The following ZNF483 variants were observed in gnomAD, a reference collection of about 807,000 sequenced individuals.
ZNF483 encodes the protein zinc finger protein HIT-10.
In ZNF483, 9 loss-of-function variants were observed where a neutral mutation model predicts 28.6. That is an observed-to-expected ratio of 0.32 (90% CI 0.19 to 0.55). The LOEUF (loss-of-function observed/expected upper bound fraction) is 0.55. Ranked by LOEUF, ZNF483 falls within the 20% of genes least tolerant of loss-of-function variation. The probability of loss-of-function intolerance (pLI) is 0.93; values close to 1 mark genes in which losing one functional copy is unlikely to be tolerated. For synonymous variants in ZNF483, 322 were observed against 306.2 expected (o/e 1.05, Z -0.54); for missense variants, 675 against 871.7 (o/e 0.77, Z 2.84).
At chr9:111,575,610 T>C (rs1316253687) in intron 5 of ZNF483, among the ~76,000 whole-genome samples, 1 of 152,230 alleles carries the variant, frequency 6.6e-6, no homozygotes, top group African/African-American at 2.4e-5. Context: ...TTAGGATCAA[T>C]TGGTTTTCTA....
chr9:111,544,211 G>A lies in ZNF483; in HGVS notation c.*1041G>A. The A allele has an allele frequency of 1.0e-6, 1 of 985,386 alleles. No individual in the cohort carries two copies. Among genetic ancestry groups the A allele is most frequent in the Non-Finnish European group, 1.2e-6 (1 of 829,932 alleles). The allele number at this position is 985,386 out of a possible 1,614,324, so 61.0% of individuals were successfully genotyped here. ...ATGTGCTGAAGACAGAGCTATTCTG[G>A]ATGGATTTTGGTTTGCAAAAATTCT... On this transcript the variant is annotated 3_prime_UTR_variant, in exon 6 of 6. Coordinates refer to ENST00000309235, the MANE Select transcript of ZNF483 (RefSeq NM_133464.5).
Position 111,562,035 on chromosome 9 carries a change from G to A in ZNF483, c.722-14330G>A, listed in dbSNP as rs541267166. Among the ~76,000 whole-genome samples the A allele has an allele frequency of 1.2e-4, 18 of 152,054 alleles. No homozygotes were observed. The South Asian group carries it at 3.3e-3, about 28-fold the overall frequency. ...TGAGTAGCTGGGATTACAGGCACCC[G>A]CTACCATGCCCAGCTAATTTTTGTA... On this transcript the variant is annotated intron_variant, in intron 5 of 5. Transcript: ENST00000358151.
Position 111,543,943 on chromosome 9 carries a change from T to C in ZNF483, c.*773T>C. 1.0e-6 allele frequency: 1 copy of C among 985,330 alleles called. No individual in the cohort carries two copies. The highest frequency in any genetic ancestry group is 1.2e-6 in the Non-Finnish European group (1 of 829,932). 61.0% of individuals were successfully genotyped at this position (985,330 alleles called of 1,614,324 possible). ...TTCCTAGGATGCTGGACTTCTAGCT[T>C]AGTGAGAATGCAGTATACTTTTTGA... On this transcript the variant is annotated 3_prime_UTR_variant, in exon 6 of 6. Transcript: ENST00000309235.
chr9:111,576,484 G>C (rs953959128), exon 6 of ZNF483: 3 of 1,597,730 alleles, frequency 1.9e-6, no homozygotes, highest in Non-Finnish European at 1.7e-6. Flanking sequence ...CTGCAGTGCA[G>C]TTCAAGAGGC....
intron 2 of ZNF483, chr9:111,528,055 G>A (rs1589265263): frequency 3.5e-6 from 5 of 1,418,078 alleles, no homozygotes; most frequent in Non-Finnish European, 4.6e-6. Flanking sequence ...GGTGAGACAA[G>A]ATAGGATATA....
chr9:111,538,358 T>A (rs1827573251), intron 5 of ZNF483, among the ~76,000 whole-genome samples: 1 of 151,888 alleles, frequency 6.6e-6, no homozygotes, highest in South Asian at 2.1e-4. Flanking sequence ...CTACAAAAAA[T>A]TTAAACATCA....
chr9:111,563,852 C>A (rs530247512), intron 5 of ZNF483: 1 of 152,488 alleles, frequency 6.6e-6, no homozygotes, highest in Admixed American at 6.5e-5. Flanking sequence ...TTTAATAACA[C>A]AATGATCTCA....
chr9:111,539,449 G>A (rs1175804720), intron 5 of ZNF483: 4 of 455,890 alleles, frequency 8.8e-6, no homozygotes, highest in South Asian at 3.1e-5. Flanking sequence ...TTTTTAGGAA[G>A]TGTGATTTGA....
At position 111,553,500 on chromosome 9, in the gene ZNF483, C is replaced by A. The variant is rs1267739055; in HGVS notation, c.*10330C>A. Among the ~76,000 whole-genome samples, 1 of 152,068 alleles carries A rather than the reference C, an allele frequency of 6.6e-6. No individual in the cohort carries two copies. Among genetic ancestry groups the A allele is most frequent in the Non-Finnish European group, 1.5e-5 (1 of 68,012 alleles). On this transcript the variant is annotated 3_prime_UTR_variant, in exon 6 of 6. Coordinates refer to ENST00000309235, the MANE Select transcript of ZNF483 (RefSeq NM_133464.5). ...GGTATACTCTATCTTGTGCTATCTG[C>A]ATAAAATATCCAAGTAAACACATTG...
intron 5 of ZNF483, among the ~76,000 whole-genome samples, chr9:111,568,475 A>C (rs1306442111): frequency 1.3e-5 from 2 of 152,196 alleles, no homozygotes; most frequent in Non-Finnish European, 2.9e-5. Context: ...GATGTTTATC[A>C]AGACAATATG....
Position 111,549,848 on chromosome 9 carries a change from T to C in ZNF483, c.*6678T>C. The C allele has an allele frequency of 1.6e-6, 2 of 1,232,308 alleles. No homozygotes were observed. Among genetic ancestry groups the C allele is most frequent in the Non-Finnish European group, 1.2e-6 (1 of 863,316 alleles). 76.3% of individuals were successfully genotyped at this position (1,232,308 alleles called of 1,614,324 possible). A position where few individuals can be genotyped will look rare whatever the true frequency, so the allele number is the denominator to read the frequency against. On this transcript the variant is annotated 3_prime_UTR_variant, in exon 6 of 6. Coordinates refer to ENST00000309235, the MANE Select transcript of ZNF483 (RefSeq NM_133464.5). ...AGCTCTTTGAGCATCTTTAAGGCAGTTGCTTTAAAGTCTGTCTAGTGAGTC... is the reference window on the plus strand; with the variant it reads ...AGCTCTTTGAGCATCTTTAAGGCAGCTGCTTTAAAGTCTGTCTAGTGAGTC...
chr9:111,561,003 A>G, intron 5 of ZNF483, among the ~76,000 whole-genome samples: 1 of 101,760 alleles, frequency 9.8e-6, no homozygotes, highest in Non-Finnish European at 1.9e-5. Context: ...AGAGAGAGAG[A>G]GAGAGAGAGA....
rs189265213 is a variant in ZNF483 at position 111,549,864 on chromosome 9, C to A, written c.*6694C>A. The A allele has an allele frequency of 2.0e-4, 199 of 1,019,524 alleles. No individual in the cohort carries two copies. The African/African-American group carries it at 2.9e-3, about 15-fold the overall frequency. The allele number at this position is 1,019,524 out of a possible 1,614,324, so 63.2% of individuals were successfully genotyped here. A position where few individuals can be genotyped will look rare whatever the true frequency, so the allele number is the denominator to read the frequency against. ...TTAAGGCAGTTGCTTTAAAGTCTGT[C>A]TAGTGAGTCAATGTTTGGTCTTCCT... is the stretch of plus-strand genomic sequence containing the variant. On this transcript the variant is annotated 3_prime_UTR_variant, in exon 6 of 6. Coordinates refer to ENST00000309235, the MANE Select transcript of ZNF483 (RefSeq NM_133464.5).
At chr9:111,534,882 C>A (rs933435492) in intron 5 of ZNF483, among the ~76,000 whole-genome samples, 1 of 151,900 alleles carries the variant, frequency 6.6e-6, no homozygotes, top group Non-Finnish European at 1.5e-5. Context: ...TGCCACCAAG[C>A]CTGGCTAATT....
At chr9:111,571,634 C>T (rs1006252944) in intron 5 of ZNF483, among the ~76,000 whole-genome samples, 1 of 150,924 alleles carries the variant, frequency 6.6e-6, no homozygotes, top group Non-Finnish European at 1.5e-5. Flanking sequence ...CATGCCACCA[C>T]ACCTGGCTAA....
chr9:111,553,817 A>G lies in ZNF483; in HGVS notation c.*10647A>G, dbSNP rs1320054981. On this transcript the variant is annotated 3_prime_UTR_variant, in exon 6 of 6. Transcript: ENST00000309235. ...CTCACTAGCCTCAAGTGACTACCATATTAAGTTGCTCTACGCAATCCTAGC... is the reference window on the plus strand; with the variant it reads ...CTCACTAGCCTCAAGTGACTACCATGTTAAGTTGCTCTACGCAATCCTAGC... Among the ~76,000 whole-genome samples the G allele has an allele frequency of 6.6e-6, 1 of 152,266 alleles. No homozygotes were observed. The highest frequency in any genetic ancestry group is 1.5e-5 in the Non-Finnish European group (1 of 68,044).
downstream of ZNF483, among the ~76,000 whole-genome samples, chr9:111,560,158 C>T (rs949360907): frequency 2.0e-5 from 3 of 151,614 alleles, no homozygotes; most frequent in Non-Finnish European, 4.4e-5. Flanking sequence ...CCAGCCTGGC[C>T]AACATGGCAA....
At position 111,530,953 on chromosome 9, in the gene ZNF483, C is replaced by G; in HGVS notation, c.491C>G (p.Thr164Ser). ...EDKMVTVCPN[T>S]ESCESITLKD... ...AAAATGGTCACTGTTTGTCCCAATACTGAGTCCTGTGTAAGTTTCCTTTGA... is the reference window on the plus strand; with the variant it reads ...AAAATGGTCACTGTTTGTCCCAATAGTGAGTCCTGTGTAAGTTTCCTTTGA... The change falls in exon 3 of 6, where the codon ACT becomes AGT. Residue 164 changes from threonine to serine, a missense_variant. Physicochemically the swap from Thr to Ser is moderately conservative, Grantham distance 58. Coordinates refer to ENST00000309235, the MANE Select transcript of ZNF483 (RefSeq NM_133464.5). 6.6e-7 allele frequency: 1 copy of G among 1,514,736 alleles called. No individual in the cohort carries two copies. The highest frequency in any genetic ancestry group is 9.0e-7 in the Non-Finnish European group (1 of 1,114,550). 93.8% of individuals were successfully genotyped at this position (1,514,736 alleles called of 1,614,324 possible).
At position 111,530,924 on chromosome 9, in the gene ZNF483, G is replaced by A. The variant is rs774500077; in HGVS notation, c.462G>A (p.Glu154=). ...TTTCCCAAGAGGAGAACTCAAAAGA[G>A]GATAAAATGGTCACTGTTTGTCCCA... is the stretch of plus-strand genomic sequence containing the variant. ...STVSQEENSK[E]DKMVTVCPNT... Residue 154 remains glutamate (E), a synonymous_variant, in exon 3 of 6, where the codon GAG becomes GAA. Coordinates refer to ENST00000309235, the MANE Select transcript of ZNF483 (RefSeq NM_133464.5). 4 of 1,557,030 alleles carry A rather than the reference G, an allele frequency of 2.6e-6. No homozygotes were observed. Among genetic ancestry groups the A allele is most frequent in the Non-Finnish European group, 2.6e-6 (3 of 1,142,932 alleles).
Sources: gnomAD v4.1 joint callset for allele counts (sites outside exome capture counted in the v4.1 genomes callset) on GRCh38, gnomAD v4.1.1 for gene constraint, MANE v1.5 for transcripts, NCBI Gene and HGNC (gene_info 2026-07-23, HGNC 2026-07-21) for gene names.